The following OSBPL3 variants were observed in gnomAD, a reference collection of about 807,000 sequenced individuals.
The protein encoded by OSBPL3 is oxysterol-binding protein-related protein 3.
In OSBPL3, 65 loss-of-function variants were observed where a neutral mutation model predicts 120.1. That is an observed-to-expected ratio of 0.54 (90% CI 0.44 to 0.67). The LOEUF is 0.67. OSBPL3 is among the 30% of genes least tolerant of loss of function. OSBPL3 has a pLI of 0.00. For synonymous variants in OSBPL3, 416 were observed against 402.6 expected (o/e 1.03, Z -0.40); for missense variants, 1,004 against 1,082.1 (o/e 0.93, Z 1.01).
chr7:24,892,174 G>A (rs1229288488), intron 2 of OSBPL3, among the ~76,000 whole-genome samples: 2 of 152,098 alleles, frequency 1.3e-5, no homozygotes, highest in African/African-American at 4.8e-5. Flanking sequence ...ATTATACGAA[G>A]AACCAAATGC....
chr7:24,974,133 C>A (rs1462988988), intron 1 of OSBPL3, among the ~76,000 whole-genome samples: 1 of 152,138 alleles, frequency 6.6e-6, no homozygotes, highest in Non-Finnish European at 1.5e-5. Flanking sequence ...AAGGACTAGC[C>A]ACATTTTAAA....
At chr7:24,889,495 T>C (rs1028005073) in intron 2 of OSBPL3, among the ~76,000 whole-genome samples, 8 of 152,204 alleles carry the variant, frequency 5.3e-5, no homozygotes, top group Non-Finnish European at 1.0e-4. Context: ...GTATATTAGC[T>C]TGATAATGGG....
chr7:24,966,914 T>C lies in OSBPL3; in HGVS notation c.-150+12972A>G, dbSNP rs1271238754. Among the ~76,000 whole-genome samples, 2 of 152,190 alleles carry C rather than the reference T, an allele frequency of 1.3e-5. No homozygotes were observed. The highest frequency in any genetic ancestry group is 2.9e-5 in the Non-Finnish European group (2 of 68,036). ...TAATCATTTTTTTATTTACCGCCAC[T>C]TTGCTTATTCCCCATTCACAGTCTT... On this transcript the variant is annotated intron_variant, in intron 1 of 22. Coordinates refer to ENST00000313367, the MANE Select transcript of OSBPL3 (RefSeq NM_015550.4). This position sits in a 1 kb window ranked among gnomAD's most constrained non-coding sequence, Gnocchi z 4.8.
intron 1 of OSBPL3, among the ~76,000 whole-genome samples, chr7:24,963,186 A>C (rs1218924046): frequency 6.6e-6 from 1 of 152,200 alleles, no homozygotes; most frequent in Non-Finnish European, 1.5e-5. Flanking sequence ...GGATGTCAGG[A>C]GCTCACAGGA....
rs573711385 is a variant in OSBPL3 at position 24,814,077 on chromosome 7, G to A, written c.2172+982C>T. Among the ~76,000 whole-genome samples, 9 of 152,252 alleles carry A rather than the reference G, an allele frequency of 5.9e-5. No homozygotes were observed. The South Asian group carries it at 1.9e-3, about 32-fold the overall frequency. ...AAACACACACAGCAACGATGAGCAG[G>A]CTGACTTCAGACGGTGATAAGAACT... On this transcript the variant is annotated intron_variant, in intron 19 of 22. Transcript: ENST00000313367.
At chr7:24,909,768 G>GT (rs66683612) in intron 1 of OSBPL3, among the ~76,000 whole-genome samples, 45,807 of 110,836 alleles carry the variant, frequency 0.41, 8,824 homozygotes, top group East Asian at 0.67. Flanking sequence ...GAAAGCTACT[G>GT]TTTTTTTTTT....
chr7:24,816,738 T>C (rs1469432219), intron 17 of OSBPL3, 50 bp from the exon 18 acceptor site: 6 of 1,153,754 alleles, frequency 5.2e-6, no homozygotes, highest in Middle Eastern at 1.9e-4. Context: ...GGTAGGTAGA[T>C]GAAATAGTTC....
In OSBPL3 at chr7:24,930,329, CT is replaced by C. The variant is rs1811629582; in HGVS notation, c.-149-37709del. ...AGGAATACATGGGAAAAACTCAACA[CT>C]TTTTGTTGTCAATTCCTGTCTAAAC... On this transcript the variant is annotated intron_variant, in intron 1 of 22. Transcript: ENST00000313367. This position sits in a 1 kb window ranked among gnomAD's most constrained non-coding sequence, Gnocchi z 4.4. Among the ~76,000 whole-genome samples the C allele has an allele frequency of 6.6e-6, 1 of 152,198 alleles. No individual in the cohort carries two copies. The highest frequency in any genetic ancestry group is 2.4e-5 in the African/African-American group (1 of 41,444).
intron 1 of OSBPL3, among the ~76,000 whole-genome samples, chr7:24,962,390 G>T (rs974184221): frequency 7.8e-6 from 1 of 127,454 alleles, no homozygotes; most frequent in Non-Finnish European, 1.7e-5. Flanking sequence ...GAGAGGGGAG[G>T]GGGGAGGGGA....
At chr7:24,836,785 T>G (rs181333494) in intron 14 of OSBPL3, among the ~76,000 whole-genome samples, 2 of 152,220 alleles carry the variant, frequency 1.3e-5, no homozygotes, top group African/African-American at 4.8e-5. Flanking sequence ...ACACTGTGCA[T>G]CTCATGTTAA....
At position 24,894,392 on chromosome 7, in the gene OSBPL3, C is replaced by CTAGG. The variant is rs1805820117; in HGVS notation, c.-149-1775_-149-1772dup. On this transcript the variant is annotated intron_variant, in intron 1 of 22. Transcript: ENST00000313367. This position sits in a 1 kb window ranked among gnomAD's most constrained non-coding sequence, Gnocchi z 4.1. ...ATTAGCCTTACTGATGGGGGCATGA[C>CTAGG]TAGGTGTACCTGAAGTTAGAAGCAA... Among the ~76,000 whole-genome samples the CTAGG allele has an allele frequency of 6.6e-6, 1 of 152,054 alleles. No homozygotes were observed. The highest frequency in any genetic ancestry group is 1.5e-5 in the Non-Finnish European group (1 of 68,016).
In OSBPL3 at chr7:24,806,969, C is replaced by A. The variant is rs555594271; in HGVS notation, c.2318-67G>T. 1 of 1,421,770 alleles carries A rather than the reference C, an allele frequency of 7.0e-7. No individual in the cohort carries two copies. Among genetic ancestry groups the A allele is most frequent in the Non-Finnish European group, 9.5e-7 (1 of 1,050,678 alleles). The allele number at this position is 1,421,770 out of a possible 1,614,324, so 88.1% of individuals were successfully genotyped here. On this transcript the variant is annotated intron_variant, in intron 20 of 22. Transcript: ENST00000313367. The surrounding 1 kb of genome is among the most constrained non-coding windows in gnomAD (Gnocchi z 5.2). Reference sequence around the variant, plus strand: ...CTTATGTTACATTTTAATTCCTTCACCTTTTTCGTCTCAGCCTAGCTACAA... The same window carrying A: ...CTTATGTTACATTTTAATTCCTTCAACTTTTTCGTCTCAGCCTAGCTACAA...
chr7:24,856,563 C>A (rs1799869166), intron 10 of OSBPL3, among the ~76,000 whole-genome samples: 1 of 152,120 alleles, frequency 6.6e-6, no homozygotes, highest in Non-Finnish European at 1.5e-5. Flanking sequence ...CTAATAAGGC[C>A]AGCCTGAAGT....
intron 12 of OSBPL3, among the ~76,000 whole-genome samples, chr7:24,846,795 T>G (rs1167316871): frequency 6.6e-6 from 1 of 152,186 alleles, no homozygotes; most frequent in Non-Finnish European, 1.5e-5. Context: ...CCGGGCGCAG[T>G]GGCTCATGCC....
chr7:24,919,352 C>T (rs1357454169), intron 1 of OSBPL3, among the ~76,000 whole-genome samples: 2 of 152,024 alleles, frequency 1.3e-5, no homozygotes, highest in Non-Finnish European at 2.9e-5. Context: ...ACATTAAGCC[C>T]TCACACTTAT....
At chr7:24,810,038 A>T in intron 19 of OSBPL3, 87 bp from the exon 20 acceptor site, 1 of 1,470,522 alleles carries the variant, frequency 6.8e-7, no homozygotes, top group Non-Finnish European at 9.4e-7. Context: ...AGCTAGAGAA[A>T]GGACTGTAAG....
intron 2 of OSBPL3, among the ~76,000 whole-genome samples, chr7:24,889,087 T>C (rs1345161650): frequency 6.6e-6 from 1 of 152,208 alleles, no homozygotes; most frequent in Non-Finnish European, 1.5e-5. Context: ...GGCTCCTTTG[T>C]GTCTGTGTGA....
chr7:24,829,488 A>G (rs1397537450), intron 16 of OSBPL3, among the ~76,000 whole-genome samples: 6 of 152,202 alleles, frequency 3.9e-5, no homozygotes, highest in Admixed American at 3.9e-4. Context: ...TAAGTCTCTC[A>G]GCCAACCCAC....
chr7:24,796,719 T>C lies in OSBPL3; in HGVS notation c.*3464A>G, dbSNP rs536736555. On this transcript the variant is annotated 3_prime_UTR_variant, in exon 23 of 23. Transcript: ENST00000313367. This position sits in a 1 kb window ranked among gnomAD's most constrained non-coding sequence, Gnocchi z 5.2. ...TTAAAAAAGTACCCTCTGGATAAAA[T>C]AATCAGAAATAAAATAAATTAGCCA... 1 of 152,238 alleles carries C rather than the reference T, an allele frequency of 6.6e-6. No individual in the cohort carries two copies. Among genetic ancestry groups the C allele is most frequent in the South Asian group, 2.1e-4 (1 of 4,818 alleles). 9.4% of individuals were successfully genotyped at this position (152,238 alleles called of 1,614,324 possible).
Sources: allele counts gnomAD v4.1 joint callset (sites outside exome capture counted in the v4.1 genomes callset), GRCh38; gene constraint gnomAD v4.1.1; non-coding constraint Gnocchi (gnomAD v3.1); transcripts MANE v1.5; gene names NCBI Gene and HGNC (gene_info 2026-07-23, HGNC 2026-07-21).